GPHN: variants seen among roughly 807,000 people sequenced by gnomAD.
GPHN encodes the protein gephyrin.
GPHN carries 17 observed loss-of-function variants against 95.5 expected under a neutral mutation model. The ratio of observed to expected loss-of-function variants is 0.18; its 90% CI spans 0.12 to 0.27. The LOEUF is 0.27. Ranked by LOEUF, GPHN falls within the 10% of genes least tolerant of loss-of-function variation. The pLI is 1.00. For synonymous variants in GPHN, 320 were observed against 322.5 expected (o/e 0.99, Z 0.08); for missense variants, 660 against 978.1 (o/e 0.67, Z 4.34).
At chr14:67,657,760 T>C in the GPHN span, among the ~76,000 whole-genome samples, 1 of 24,528 alleles carries the variant, frequency 4.1e-5, no homozygotes, top group African/African-American at 9.6e-5. Context: ...TCTTTTTTTT[T>C]TTTTTTTTGA....
chr14:67,632,801 C>T, the GPHN span, among the ~76,000 whole-genome samples: 1 of 145,526 alleles, frequency 6.9e-6, no homozygotes, highest in Non-Finnish European at 1.5e-5. Flanking sequence ...GAGAATTAAG[C>T]CTCTTAATTT....
chr14:67,342,591 T>C, the GPHN span, among the ~76,000 whole-genome samples: 1 of 150,360 alleles, frequency 6.7e-6, no homozygotes, highest in Non-Finnish European at 1.5e-5. Context: ...TCCACTTTCA[T>C]GTACAAGGCC....
intron 19 of GPHN, among the ~76,000 whole-genome samples, chr14:67,161,534 G>A (rs1219950652): frequency 1.3e-5 from 2 of 152,100 alleles, no homozygotes; most frequent in Admixed American, 1.3e-4. Context: ...GGCCGTGGGG[G>A]TGGTTCGCTT....
the GPHN span, among the ~76,000 whole-genome samples, chr14:67,386,669 G>A: frequency 2.0e-5 from 3 of 152,150 alleles, no homozygotes; most frequent in African/African-American, 7.2e-5. Flanking sequence ...CCTTTAGAGC[G>A]CTCTTACTCT....
At chr14:67,318,261 A>G in the GPHN span, among the ~76,000 whole-genome samples, 2 of 152,370 alleles carry the variant, frequency 1.3e-5, no homozygotes, top group South Asian at 4.1e-4. Flanking sequence ...ATAAAGATAA[A>G]ACATTATAGA....
intron 2 of GPHN, among the ~76,000 whole-genome samples, chr14:66,758,128 G>C (rs1039013717): frequency 3.9e-5 from 6 of 152,194 alleles, no homozygotes; most frequent in African/African-American, 1.2e-4. Flanking sequence ...AAACCAATTA[G>C]GAAAGGGTAG....
the GPHN span, among the ~76,000 whole-genome samples, chr14:67,288,399 A>G: frequency 6.6e-6 from 1 of 151,992 alleles, no homozygotes; most frequent in Admixed American, 6.6e-5. Flanking sequence ...CCTTTTAACA[A>G]TTACTAAAGA....
chr14:67,055,845 G>T (rs748926210), intron 10 of GPHN, among the ~76,000 whole-genome samples: 1 of 152,170 alleles, frequency 6.6e-6, no homozygotes, highest in Non-Finnish European at 1.5e-5. Flanking sequence ...TCTTCCTTCT[G>T]GTGGGTTCGT....
the GPHN span, among the ~76,000 whole-genome samples, chr14:67,242,729 A>ATTTATAATG: frequency 2.0e-5 from 3 of 152,244 alleles, no homozygotes; most frequent in African/African-American, 7.2e-5. Flanking sequence ...AATGTAAGAG[A>ATTTATAATG]TTTATAGATA....
intron 1 of GPHN, among the ~76,000 whole-genome samples, chr14:66,590,403 G>A (rs947580422): frequency 2.6e-5 from 4 of 151,976 alleles, no homozygotes; most frequent in South Asian, 2.1e-4. Flanking sequence ...AAAATAGATC[G>A]AAAGCCAGAC....
At chr14:66,571,800 G>A (rs2060705334) in intron 1 of GPHN, among the ~76,000 whole-genome samples, 1 of 152,138 alleles carries the variant, frequency 6.6e-6, no homozygotes, top group Admixed American at 6.5e-5. Flanking sequence ...AACAGAGCAA[G>A]ACTCCGTCTC....
At chr14:67,691,494 C>T in the GPHN span, 1 of 367,936 alleles carries the variant, frequency 2.7e-6, no homozygotes, top group Non-Finnish European at 4.9e-6. Context: ...TCAGGAGCTA[C>T]TTACTCACTG....
the GPHN span, among the ~76,000 whole-genome samples, chr14:67,496,587 G>A: frequency 6.6e-6 from 1 of 151,642 alleles, no homozygotes; most frequent in Non-Finnish European, 1.5e-5. Flanking sequence ...AGACGTGAGA[G>A]AGGTGTCCTC....
At chr14:67,207,003 T>C in the GPHN span, among the ~76,000 whole-genome samples, 1 of 152,118 alleles carries the variant, frequency 6.6e-6, no homozygotes, top group African/African-American at 2.4e-5. Context: ...ATATTCTACC[T>C]TTAGCTTTAT....
intron 1 of GPHN, among the ~76,000 whole-genome samples, chr14:66,642,429 A>C (rs973078227): frequency 2.0e-5 from 3 of 152,182 alleles, no homozygotes; most frequent in Non-Finnish European, 2.9e-5. Flanking sequence ...CATAGCCTCT[A>C]GCTTAAGTCA....
At chr14:67,637,722 A>T in the GPHN span, among the ~76,000 whole-genome samples, 1 of 152,222 alleles carries the variant, frequency 6.6e-6, no homozygotes, top group Non-Finnish European at 1.5e-5. Context: ...TTATGTAATT[A>T]ACTAGAATAG....
At chr14:67,390,352 A>G in the GPHN span, among the ~76,000 whole-genome samples, 12 of 152,168 alleles carry the variant, frequency 7.9e-5, no homozygotes, top group Admixed American at 7.9e-4. Flanking sequence ...CTGTCAGCCT[A>G]CCTCATCCTC....
the GPHN span, among the ~76,000 whole-genome samples, chr14:67,598,225 GA>G: frequency 1.3e-5 from 2 of 152,162 alleles, no homozygotes; most frequent in Admixed American, 6.5e-5. Context: ...AGAGCCCTTA[GA>G]AAGTGTTGCA....
intron 8 of GPHN, among the ~76,000 whole-genome samples, chr14:66,927,463 C>A (rs1353387939): frequency 6.6e-6 from 1 of 151,724 alleles, no homozygotes; most frequent in Admixed American, 6.6e-5. Context: ...TTAGGTTTTT[C>A]CAAATATTGT....
Sources: allele counts gnomAD v4.1 joint callset (sites outside exome capture counted in the v4.1 genomes callset), GRCh38; gene constraint gnomAD v4.1.1; transcripts MANE v1.5; gene names NCBI Gene and HGNC (gene_info 2026-07-23, HGNC 2026-07-21).